Variants in PLSCR5 observed in about 807,000 individuals in gnomAD.
PLSCR5 encodes the protein phospholipid scramblase family member 5, also known as phospholipid scramblase family, member 5.
Under a neutral mutation model 33.6 loss-of-function variants are expected in PLSCR5, and 44 were observed. That is an observed-to-expected ratio of 1.31 (90% CI 1.03 to 1.69). PLSCR5 has a LOEUF of 1.69. PLSCR5 is among the 40% of genes most tolerant of loss of function. The probability of loss-of-function intolerance (pLI) is 0.00; values close to 1 mark genes in which losing one functional copy is unlikely to be tolerated. For synonymous variants in PLSCR5, 148 were observed against 112.3 expected (o/e 1.32, Z -2.01); for missense variants, 375 against 318.7 (o/e 1.18, Z -1.34).
intron 2 of PLSCR5, among the ~76,000 whole-genome samples, 161 bp downstream of exon 2, chr3:146,600,123 GAAAT>G (rs1407496596): frequency 3.7e-4 from 57 of 152,116 alleles, no homozygotes; most frequent in East Asian, 7.7e-4. Context: ...AAAAATAGTA[GAAAT>G]AAATAAAGTT....
rs1476040669 is a variant in PLSCR5, at chr3:146,588,639, A to T, written c.777+1014T>A. Reference sequence around the variant, plus strand: ...AAATGAGATGTGACAAAATGGACATACTTCATGATCTTGGATTTTCTATTG... The same window carrying T: ...AAATGAGATGTGACAAAATGGACATTCTTCATGATCTTGGATTTTCTATTG... On this transcript the variant is annotated intron_variant, in intron 6 of 7. Coordinates refer to ENST00000443512, the MANE Select transcript of PLSCR5 (RefSeq NM_001085420.2). Among the ~76,000 whole-genome samples the T allele has an allele frequency of 2.6e-5, 4 of 152,196 alleles. No homozygotes were observed. In the East Asian group the frequency reaches 7.7e-4, roughly 29 times the overall value.
At chr3:146,594,376 C>A (rs1234432101) in intron 3 of PLSCR5, among the ~76,000 whole-genome samples, 21 of 151,868 alleles carry the variant, frequency 1.4e-4, no homozygotes. Flanking sequence ...AGATATATGA[C>A]CTACTTGAGA....
At chr3:146,585,175 CTT>C (rs1377498538), downstream of PLSCR5, among the ~76,000 whole-genome samples, 1 of 152,058 alleles carries the variant, frequency 6.6e-6, no homozygotes, top group Non-Finnish European at 1.5e-5. Flanking sequence ...GTACTGGACT[CTT>C]TTACTTCTGC....
downstream of PLSCR5, among the ~76,000 whole-genome samples, chr3:146,580,838 A>G (rs1206171069): frequency 6.6e-6 from 1 of 152,166 alleles, no homozygotes; most frequent in Non-Finnish European, 1.5e-5. Flanking sequence ...TTTCTGGTCT[A>G]CGCTAAAATG....
At chr3:146,602,187 C>A (rs1008722632) in intron 1 of PLSCR5, among the ~76,000 whole-genome samples, 1 of 152,082 alleles carries the variant, frequency 6.6e-6, no homozygotes, top group Non-Finnish European at 1.5e-5. Flanking sequence ...AGGCTTTAGA[C>A]CTTCCCCTGC....
intron 2 of PLSCR5, among the ~76,000 whole-genome samples, chr3:146,597,471 G>A (rs1045855239): frequency 6.6e-6 from 1 of 152,136 alleles, no homozygotes; most frequent in Non-Finnish European, 1.5e-5. Context: ...AGTCTTAAGT[G>A]ACGACATGAA....
At chr3:146,591,516 T>A (rs536296868) in intron 5 of PLSCR5, among the ~76,000 whole-genome samples, 11 of 152,166 alleles carry the variant, frequency 7.2e-5, no homozygotes, top group African/African-American at 2.2e-4. Flanking sequence ...ATATTATTTT[T>A]AAAAAATCCT....
chr3:146,600,613 C>A, intron 1 of PLSCR5, 150 bp from the exon 2 acceptor site: 2 of 848,920 alleles, frequency 2.4e-6, no homozygotes, highest in South Asian at 8.4e-5. Flanking sequence ...CTACTCACTG[C>A]CATTATTACT....
intron 4 of PLSCR5, among the ~76,000 whole-genome samples, chr3:146,593,276 C>T (rs566507751): frequency 7.9e-5 from 12 of 152,200 alleles, no homozygotes; most frequent in African/African-American, 2.4e-4. Flanking sequence ...TCTGTTCTTG[C>T]TCATGAGTAG....
rs1449887637 is a variant in PLSCR5, at chr3:146,591,883, T to C, written c.454-2A>G. 3.8e-6 allele frequency: 6 copies of C among 1,589,344 alleles called. No homozygotes were observed. In the African/African-American group the frequency reaches 8.1e-5, roughly 22 times the overall value. ...ACCAGGAGGGGCTTGGATTTCTAAC[T>C]GTAAGAAGAGATAATGATAAAATAA... On this transcript the variant is annotated splice_acceptor_variant, in intron 4 of 7. Transcript: ENST00000443512. LOFTEE classifies it high-confidence loss of function.
At chr3:146,600,237 T>C (rs897542447) in intron 2 of PLSCR5, 51 bp downstream of exon 2, 10 of 1,235,058 alleles carry the variant, frequency 8.1e-6, no homozygotes, top group Admixed American at 3.9e-5. Flanking sequence ...AGAAAGTTTG[T>C]ATTAATTTTA....
downstream of PLSCR5, among the ~76,000 whole-genome samples, chr3:146,585,267 GC>G (rs2044658529): frequency 6.6e-6 from 1 of 151,974 alleles, no homozygotes; most frequent in African/African-American, 2.4e-5. Context: ...ATTTTTCAGA[GC>G]CTTAGATCCC....
intron 6 of PLSCR5, among the ~76,000 whole-genome samples, chr3:146,588,713 T>C (rs1277596663): frequency 6.6e-6 from 1 of 152,172 alleles, no homozygotes; most frequent in Non-Finnish European, 1.5e-5. Flanking sequence ...ATAAAGTCTG[T>C]AGATTAGATA....
chr3:146,605,142 T>G lies in PLSCR5; in HGVS notation c.13+58A>C, dbSNP rs558551585. ...TAACTGGTTGTAACACATCCACAAT[T>G]GTATATTTTTAGTCTTAATATAAGA... is the stretch of plus-strand genomic sequence containing the variant. On this transcript the variant is annotated intron_variant, in intron 1 of 7. Coordinates refer to ENST00000443512, the MANE Select transcript of PLSCR5 (RefSeq NM_001085420.2). 1.5e-5 allele frequency: 22 copies of G among 1,517,130 alleles called. No homozygotes were observed. In the African/African-American group the frequency reaches 2.4e-4, roughly 16 times the overall value. 94.0% of individuals were successfully genotyped at this position (1,517,130 alleles called of 1,614,324 possible). A position where few individuals can be genotyped will look rare whatever the true frequency, so the allele number is the denominator to read the frequency against.
intron 5 of PLSCR5, 107 bp from the exon 6 acceptor site, chr3:146,589,921 C>T: frequency 2.9e-6 from 2 of 680,808 alleles, no homozygotes; most frequent in Non-Finnish European, 4.5e-6. Flanking sequence ...TATTTGTCAT[C>T]TTCAAAATGA....
chr3:146,590,502 A>G (rs1253615950), intron 5 of PLSCR5, among the ~76,000 whole-genome samples: 1 of 152,080 alleles, frequency 6.6e-6, no homozygotes, highest in Non-Finnish European at 1.5e-5. Context: ...GAAGGAGTTC[A>G]CAAATCAACT....
chr3:146,585,451 C>T (rs1019853506), downstream of PLSCR5, among the ~76,000 whole-genome samples: 1 of 152,088 alleles, frequency 6.6e-6, no homozygotes, highest in South Asian at 2.1e-4. Context: ...CCTCTTACCA[C>T]TAGAATGAAT....
intron 1 of PLSCR5, among the ~76,000 whole-genome samples, chr3:146,600,944 T>C (rs1025030134): frequency 6.7e-6 from 1 of 148,262 alleles, no homozygotes; most frequent in Non-Finnish European, 1.5e-5. Context: ...TATGCAGTAA[T>C]ACATGTCTAT....
intron 7 of PLSCR5, among the ~76,000 whole-genome samples, chr3:146,579,088 T>C (rs1251556273): frequency 6.6e-6 from 1 of 152,056 alleles, no homozygotes; most frequent in East Asian, 1.9e-4. Flanking sequence ...TGAACCACAA[T>C]ACATGTCACT....
Sources: gnomAD v4.1 joint callset for allele counts (sites outside exome capture counted in the v4.1 genomes callset) on GRCh38, gnomAD v4.1.1 for gene constraint, MANE v1.5 for transcripts, NCBI Gene and HGNC (gene_info 2026-07-23, HGNC 2026-07-21) for gene names.